The following PTPRD variants were observed in gnomAD, a reference collection of about 807,000 sequenced individuals.
The protein encoded by PTPRD is receptor-type tyrosine-protein phosphatase delta.
PTPRD carries 34 observed loss-of-function variants against 214.5 expected under a neutral mutation model. The ratio of observed to expected loss-of-function variants is 0.16; its 90% CI spans 0.12 to 0.21. The LOEUF (loss-of-function observed/expected upper bound fraction) is 0.21, where lower values mean the gene tolerates loss of function less well. Ranked by LOEUF, PTPRD falls within the 10% of genes least tolerant of loss-of-function variation. The pLI is 1.00. For synonymous variants in PTPRD, 1,128 were observed against 845.7 expected (o/e 1.33, Z -5.79); for missense variants, 2,545 against 2,398.7 (o/e 1.06, Z -1.27).
chr9:8,823,453 C>T (rs1463205298), intron 11 of PTPRD, among the ~76,000 whole-genome samples: 1 of 152,130 alleles, frequency 6.6e-6, no homozygotes, highest in Non-Finnish European at 1.5e-5. Flanking sequence ...CCTTATCCGC[C>T]AGCAAGTTTA....
At chr9:10,240,952 G>T (rs2090906403) in intron 3 of PTPRD, among the ~76,000 whole-genome samples, 1 of 150,988 alleles carries the variant, frequency 6.6e-6, no homozygotes, top group Non-Finnish European at 1.5e-5. Context: ...GAAGGCATTT[G>T]TAAAACACAT....
intron 14 of PTPRD, among the ~76,000 whole-genome samples, chr9:8,584,911 G>A (rs75690671): frequency 0.01 from 1,579 of 152,262 alleles, 25 homozygotes; most frequent in African/African-American, 0.036. Flanking sequence ...TGAGCAAAGG[G>A]CGGGAAAAGT....
intron 2 of PTPRD, among the ~76,000 whole-genome samples, chr9:10,544,502 CT>C (rs1161715326): frequency 6.6e-6 from 1 of 151,946 alleles, no homozygotes; most frequent in African/African-American, 2.4e-5. Flanking sequence ...ACTTAAATGT[CT>C]CTCAATAATG....
intron 3 of PTPRD, among the ~76,000 whole-genome samples, chr9:10,114,005 C>T (rs1474784810): frequency 6.6e-6 from 1 of 152,152 alleles, no homozygotes; most frequent in Non-Finnish European, 1.5e-5. Flanking sequence ...TTTGAAAGGA[C>T]AAGGACAGTT....
At chr9:9,169,902 T>A (rs1194622625) in intron 10 of PTPRD, among the ~76,000 whole-genome samples, 1 of 152,154 alleles carries the variant, frequency 6.6e-6, no homozygotes, top group Non-Finnish European at 1.5e-5. Context: ...AGCCAACAGT[T>A]TTAGGAAAAG....
At chr9:10,343,389 C>G (rs759577822) in intron 2 of PTPRD, among the ~76,000 whole-genome samples, 1 of 152,010 alleles carries the variant, frequency 6.6e-6, no homozygotes, top group Non-Finnish European at 1.5e-5. Flanking sequence ...GATGGACATT[C>G]TGGTTGGTTC....
chr9:8,603,946 A>G (rs2095041557), intron 14 of PTPRD, among the ~76,000 whole-genome samples: 1 of 152,216 alleles, frequency 6.6e-6, no homozygotes, highest in African/African-American at 2.4e-5. Context: ...TTTCCTATCA[A>G]CCATGCCTCA....
intron 11 of PTPRD, among the ~76,000 whole-genome samples, chr9:8,900,973 G>C (rs2098663929): frequency 6.6e-6 from 1 of 152,056 alleles, no homozygotes; most frequent in African/African-American, 2.4e-5. Context: ...CTAAGTACAG[G>C]TAAGTACATG....
At chr9:10,441,577 A>T (rs2154523423) in intron 2 of PTPRD, among the ~76,000 whole-genome samples, 1 of 151,542 alleles carries the variant, frequency 6.6e-6, no homozygotes, top group South Asian at 2.1e-4. Context: ...TTCTCATCAT[A>T]TCTCAACTTA....
chr9:9,901,538 T>G (rs1242920927), intron 5 of PTPRD, among the ~76,000 whole-genome samples: 2 of 152,000 alleles, frequency 1.3e-5, no homozygotes, highest in Non-Finnish European at 2.9e-5. Context: ...TGGGGAAATA[T>G]ATAACCAAAG....
chr9:9,762,782 A>T (rs952887566), intron 6 of PTPRD, among the ~76,000 whole-genome samples: 1 of 152,204 alleles, frequency 6.6e-6, no homozygotes, highest in East Asian at 1.9e-4. Flanking sequence ...CAGATTTTTT[A>T]GGTATTATTC....
At chr9:10,072,414 A>T (rs138089495) in intron 3 of PTPRD, among the ~76,000 whole-genome samples, 1 of 152,204 alleles carries the variant, frequency 6.6e-6, no homozygotes, top group African/African-American at 2.4e-5. Flanking sequence ...GGAGCCATGG[A>T]CCTTCGCAGT....
chr9:9,202,670 A>G (rs1013305551), intron 9 of PTPRD, among the ~76,000 whole-genome samples: 2 of 152,166 alleles, frequency 1.3e-5, no homozygotes, highest in Admixed American at 6.5e-5. Context: ...TAGCAGTATG[A>G]ATGACATTTG....
chr9:8,866,777 A>G (rs79474785), intron 11 of PTPRD, among the ~76,000 whole-genome samples: 6,375 of 57,024 alleles, frequency 0.11, 331 homozygotes, highest in East Asian at 0.29. Flanking sequence ...CATCTCATCA[A>G]GTCAGTTTTT....
At chr9:10,076,710 G>T (rs2098137314) in intron 3 of PTPRD, among the ~76,000 whole-genome samples, 1 of 152,240 alleles carries the variant, frequency 6.6e-6, no homozygotes, top group African/African-American at 2.4e-5. Context: ...CCCTTGTGCT[G>T]CCTGGGGAGC....
chr9:8,514,400 C>T (rs1232184901), intron 21 of PTPRD, among the ~76,000 whole-genome samples: 1 of 152,020 alleles, frequency 6.6e-6, no homozygotes, highest in East Asian at 1.9e-4. Flanking sequence ...TATGTTTAAA[C>T]TGGTGCTTAT....
intron 7 of PTPRD, among the ~76,000 whole-genome samples, chr9:9,706,061 C>G (rs1377906270): frequency 6.6e-6 from 1 of 152,032 alleles, no homozygotes; most frequent in African/African-American, 2.4e-5. Context: ...GTTAAATAAT[C>G]TAAGTAACAC....
intron 9 of PTPRD, among the ~76,000 whole-genome samples, chr9:9,346,159 C>A (rs2048720568): frequency 1.3e-5 from 2 of 152,110 alleles, no homozygotes; most frequent in African/African-American, 2.4e-5. Flanking sequence ...AATATATCTT[C>A]CTAGCCATAT....
chr9:9,648,643 G>A (rs1449188403), intron 7 of PTPRD, among the ~76,000 whole-genome samples: 1 of 152,140 alleles, frequency 6.6e-6, no homozygotes, highest in Non-Finnish European at 1.5e-5. Flanking sequence ...ACTACACTAA[G>A]GAGTTGTAGC....
Sources: gnomAD v4.1 joint callset for allele counts (sites outside exome capture counted in the v4.1 genomes callset) on GRCh38, gnomAD v4.1.1 for gene constraint, MANE v1.5 for transcripts, NCBI Gene and HGNC (gene_info 2026-07-23, HGNC 2026-07-21) for gene names.